RBM17: variants seen among roughly 807,000 people sequenced by gnomAD.
RBM17 encodes the protein RNA binding motif protein 17.
A neutral mutation model predicts 53.2 loss-of-function variants in RBM17; 7 were observed. That is an observed-to-expected ratio of 0.13 (90% CI 0.07 to 0.25). The LOEUF (loss-of-function observed/expected upper bound fraction) is 0.25, where lower values mean the gene tolerates loss of function less well. Among genes scored for constraint, RBM17 ranks in the 10% least tolerant of loss-of-function variants. The pLI, the probability that RBM17 is intolerant of heterozygous loss-of-function variation, is 1.00. For synonymous variants in RBM17, 167 were observed against 178.1 expected (o/e 0.94, Z 0.50); for missense variants, 257 against 496.7 (o/e 0.52, Z 4.59).
chr10:6,115,151 T>C lies in RBM17; in HGVS notation c.1030-88T>C, dbSNP rs534421033. The C allele has an allele frequency of 1.5e-5, 15 of 982,206 alleles. 1 individual carries two copies. In the East Asian group the frequency reaches 3.8e-4, roughly 25 times the overall value. 60.8% of individuals were successfully genotyped at this position (982,206 alleles called of 1,614,324 possible). On this transcript the variant is annotated intron_variant, in intron 10 of 11. Transcript: ENST00000379888. ...TGACTGTATATGATGATAATTAGAA[T>C]ATCCACTCTGAGAAATCATTTAAAA...
At chr10:6,095,794 C>G (rs752376452) in intron 1 of RBM17, among the ~76,000 whole-genome samples, 3 of 152,162 alleles carry the variant, frequency 2.0e-5, no homozygotes, top group Non-Finnish European at 4.4e-5. Context: ...TCCCCCACTC[C>G]ACACAGTGTG....
Position 6,101,359 on chromosome 10 carries a change from C to T in RBM17, c.212C>T (p.Thr71Ile). 6.2e-7 allele frequency: 1 copy of T among 1,613,048 alleles called. No individual in the cohort carries two copies. Among genetic ancestry groups the T allele is most frequent in the South Asian group, 1.1e-5 (1 of 90,964 alleles). The change falls in exon 3 of 12, where the codon ACT becomes ATT. Residue 71 changes from threonine to isoleucine, a missense_variant. By Grantham distance (89) the Thr-to-Ile change is moderately conservative. Coordinates refer to ENST00000379888, the MANE Select transcript of RBM17 (RefSeq NM_032905.5). The part of the protein sequence containing the change: ...GSSDDRQIVD[T>I]PPHVAAGLKD... ...TCAGATGACCGGCAAATTGTGGACA[C>T]TCCACCGCATGTAGCAGCTGGGCTG... is the stretch of plus-strand genomic sequence containing the variant.
At position 6,097,151 on chromosome 10, in the gene RBM17, A is replaced by C; in HGVS notation, c.86A>C (p.Gln29Pro). 1 of 1,614,122 alleles carries C rather than the reference A, an allele frequency of 6.2e-7. No individual in the cohort carries two copies. Among genetic ancestry groups the C allele is most frequent in the South Asian group, 1.1e-5 (1 of 91,080 alleles). Residue 29 changes from glutamine to proline, a missense_variant, in exon 2 of 12, where the codon CAG (glutamine) becomes CCG (proline). By Grantham distance (76) the Gln-to-Pro change is moderately conservative. Transcript: ENST00000379888. ...AAAAACTTCAAACTTCTGCAGTCTC[A>C]GCTTCAGGTGAAGAAGGCAGCTCTC... is the stretch of plus-strand genomic sequence containing the variant. Reference protein sequence around the residue: ...WSKNFKLLQSQLQVKKAALTQ... With the variant: ...WSKNFKLLQSPLQVKKAALTQ...
chr10:6,093,244 C>T (rs762248751), intron 1 of RBM17, among the ~76,000 whole-genome samples: 1 of 152,186 alleles, frequency 6.6e-6, no homozygotes, highest in East Asian at 1.9e-4. Context: ...GAGACAGTCT[C>T]GCTCTATCAT....
At chr10:6,107,479 C>CTTTTTTTTT (rs71390124) in intron 5 of RBM17, among the ~76,000 whole-genome samples, 6,355 of 56,450 alleles carry the variant, frequency 0.11, 1,298 homozygotes, top group Non-Finnish European at 0.15. Flanking sequence ...CACCCGGCCT[C>CTTTTTTTTT]TTTTTTTTTT....
chr10:6,114,267 CGTT>C, intron 10 of RBM17, 120 bp downstream of exon 10: 1 of 588,820 alleles, frequency 1.7e-6, no homozygotes, highest in South Asian at 2.1e-5. Flanking sequence ...AGGTGACAGG[CGTT>C]GGTTATTTGT....
Position 6,114,105 on chromosome 10 carries a change from A to G in RBM17, c.987A>G (p.Glu329=). Residue 329 remains glutamate (E), a synonymous_variant, in exon 10 of 12, where the codon GAA becomes GAG. Coordinates refer to ENST00000379888, the MANE Select transcript of RBM17 (RefSeq NM_032905.5). ...ACTTGGAAGTTGAAACCAAGGAAGA[A>G]TGTGAAAAATATGGCAAAGTTGGAA... ...DEDLEVETKE[E]CEKYGKVGKC... is the part of the protein sequence containing the mutation. The G allele has an allele frequency of 1.9e-6, 3 of 1,613,420 alleles. No homozygotes were observed. The highest frequency in any genetic ancestry group is 2.5e-6 in the Non-Finnish European group (3 of 1,179,424).
At chr10:6,091,021 T>G (rs1564564057) in intron 1 of RBM17, among the ~76,000 whole-genome samples, 1 of 123,758 alleles carries the variant, frequency 8.1e-6, no homozygotes, top group Non-Finnish European at 1.7e-5. Context: ...ATTTATATAT[T>G]TATATATATT....
chr10:6,110,909 G>C (rs1840827567), intron 7 of RBM17, among the ~76,000 whole-genome samples: 1 of 152,156 alleles, frequency 6.6e-6, no homozygotes, highest in Non-Finnish European at 1.5e-5. Flanking sequence ...GTGGCTGCAG[G>C]AAGCTTTGTG....
intron 5 of RBM17, 72 bp downstream of exon 5, chr10:6,106,310 T>C: frequency 9.8e-7 from 1 of 1,017,056 alleles, no homozygotes; most frequent in East Asian, 2.6e-5. Flanking sequence ...TGCTTTTTCT[T>C]TTCAGTTTGA....
At chr10:6,108,779 C>G (rs900710591) in intron 6 of RBM17, 37 bp downstream of exon 6, 2 of 1,540,512 alleles carry the variant, frequency 1.3e-6, no homozygotes, top group Non-Finnish European at 9.0e-7. Flanking sequence ...TATTCTGATA[C>G]AGGTCTTTAA....
rs116544018 is a variant in RBM17, at chr10:6,109,016, A to C, written c.562+274A>C. 3.3e-3 allele frequency among the ~76,000 whole-genome samples: 500 copies of C among 152,116 alleles called. 5 individuals are homozygous for C. Among genetic ancestry groups the C allele is most frequent in the African/African-American group, 0.012 (481 of 41,500 alleles). Reference sequence around the variant, plus strand: ...CACTTTGATTTCATTAACATTTCTTATTTGTTGTTAGATTCATTTGGAGTT... The same window carrying C: ...CACTTTGATTTCATTAACATTTCTTCTTTGTTGTTAGATTCATTTGGAGTT... On this transcript the variant is annotated intron_variant, in intron 6 of 11. Coordinates refer to ENST00000379888, the MANE Select transcript of RBM17 (RefSeq NM_032905.5).
intron 6 of RBM17, among the ~76,000 whole-genome samples, 172 bp from the exon 7 acceptor site, chr10:6,109,814 G>A (rs1276693884): frequency 6.6e-6 from 1 of 152,164 alleles, no homozygotes; most frequent in Non-Finnish European, 1.5e-5. Context: ...TCCTCCCTCT[G>A]TGGTTTTAAA....
intron 1 of RBM17, among the ~76,000 whole-genome samples, chr10:6,091,058 T>C (rs904567140): frequency 6.7e-6 from 1 of 148,186 alleles, no homozygotes; most frequent in Non-Finnish European, 1.5e-5. Context: ...TATATTTATA[T>C]ACATATATTT....
In RBM17 at chr10:6,112,491, C is replaced by A; in HGVS notation, c.856+130C>A. 1 of 1,099,218 alleles carries A rather than the reference C, an allele frequency of 9.1e-7. No homozygotes were observed. The highest frequency in any genetic ancestry group is 1.4e-6 in the Non-Finnish European group (1 of 738,930). The allele number at this position is 1,099,218 out of a possible 1,614,324, so 68.1% of individuals were successfully genotyped here. The stretch of plus-strand genomic sequence containing the variant: ...GTGTGGCCAGAGGGAGAGGGCTGGC[C>A]CTGCCATCACTAGAACACAGGCCGT... On this transcript the variant is annotated intron_variant, in intron 8 of 11. Transcript: ENST00000379888. This position sits in a 1 kb window ranked among gnomAD's most constrained non-coding sequence, Gnocchi z 4.4.
rs79834124 is a variant in RBM17 at position 6,116,843 on chromosome 10, T to C, written c.*1287T>C. On this transcript the variant is annotated 3_prime_UTR_variant, in exon 12 of 12. Coordinates refer to ENST00000379888, the MANE Select transcript of RBM17 (RefSeq NM_032905.5). ...AAGAATAACATTTTATCTTTTGTGGTATTATTTTATTGAATAAAATTGAGT... is the reference window on the plus strand; with the variant it reads ...AAGAATAACATTTTATCTTTTGTGGCATTATTTTATTGAATAAAATTGAGT... The C allele has an allele frequency of 2.0e-5, 3 of 152,308 alleles. No individual in the cohort carries two copies. The highest frequency in any genetic ancestry group is 2.9e-5 in the Non-Finnish European group (2 of 68,034). The allele number at this position is 152,308 out of a possible 1,614,324, so 9.4% of individuals were successfully genotyped here.
chr10:6,095,988 C>T (rs1304483275), intron 1 of RBM17, among the ~76,000 whole-genome samples: 8 of 152,174 alleles, frequency 5.3e-5, no homozygotes, highest in Non-Finnish European at 8.8e-5. Flanking sequence ...TTCAATAACA[C>T]GGTTTCCATG....
intron 6 of RBM17, among the ~76,000 whole-genome samples, chr10:6,109,600 C>T (rs990675793): frequency 7.2e-5 from 11 of 152,232 alleles, no homozygotes; most frequent in East Asian, 3.9e-4. Flanking sequence ...ATAGTGAGGT[C>T]GGGGTCTAGA....
chr10:6,112,043 C>T lies in RBM17; in HGVS notation c.705-167C>T, dbSNP rs1840846233. Reference sequence around the variant, plus strand: ...TTCTATTTCTTTCATGCTGCACATCCCCACAGCTTCCATCTAATAGCCCAC... The same window carrying T: ...TTCTATTTCTTTCATGCTGCACATCTCCACAGCTTCCATCTAATAGCCCAC... On this transcript the variant is annotated intron_variant, in intron 7 of 11. Transcript: ENST00000379888. This position sits in a 1 kb window ranked among gnomAD's most constrained non-coding sequence, Gnocchi z 4.4. 2.0e-5 allele frequency among the ~76,000 whole-genome samples: 3 copies of T among 152,100 alleles called. No individual in the cohort carries two copies. In the South Asian group the frequency reaches 6.2e-4, roughly 32 times the overall value.
Sources: gnomAD v4.1 joint callset for allele counts (sites outside exome capture counted in the v4.1 genomes callset) on GRCh38, gnomAD v4.1.1 for gene constraint, Gnocchi (gnomAD v3.1) non-coding constraint, MANE v1.5 for transcripts, NCBI Gene and HGNC (gene_info 2026-07-23, HGNC 2026-07-21) for gene names.